ADAM12: variants seen among roughly 807,000 people sequenced by gnomAD.
ADAM12 encodes disintegrin and metalloproteinase domain-containing protein 12.
Under a neutral mutation model 106.4 loss-of-function variants are expected in ADAM12, and 70 were observed. The ratio of observed to expected loss-of-function variants is 0.66; its 90% CI spans 0.54 to 0.80. ADAM12 has a LOEUF of 0.80. Among genes scored for constraint, ADAM12 ranks in the 30% least tolerant of loss-of-function variants. ADAM12 has a pLI of 0.00. For missense variants in ADAM12, 1,010 were observed against 1,171.9 expected, an observed-to-expected ratio of 0.86 and a Z score of 2.02; for synonymous variants, 420 against 433.5, an observed-to-expected ratio of 0.97 and a Z score of 0.39.
intron 21 of ADAM12, among the ~76,000 whole-genome samples, chr10:126,028,786 C>T (rs139940661): frequency 3.6e-4 from 54 of 151,706 alleles, no homozygotes; most frequent in East Asian, 2.3e-3. Context: ...AATTGACAAA[C>T]GGGATCTAAT....
chr10:126,189,331 T>C (rs894186575), intron 3 of ADAM12, among the ~76,000 whole-genome samples: 1 of 152,056 alleles, frequency 6.6e-6, no homozygotes, highest in Non-Finnish European at 1.5e-5. Flanking sequence ...GGATGAAGAA[T>C]GGGGTATACG....
intron 6 of ADAM12, among the ~76,000 whole-genome samples, chr10:126,112,864 G>A (rs1955896388): frequency 1.3e-5 from 2 of 152,066 alleles, no homozygotes; most frequent in African/African-American, 4.8e-5. Context: ...GAAACCCAGT[G>A]TCCTCCTGAA....
intron 3 of ADAM12, among the ~76,000 whole-genome samples, chr10:126,265,642 A>AAAAC (rs1170043613): frequency 6.6e-6 from 1 of 152,238 alleles, no homozygotes; most frequent in Non-Finnish European, 1.5e-5. Flanking sequence ...CAGTAAACAG[A>AAAAC]AAACACAGGG....
intron 21 of ADAM12, among the ~76,000 whole-genome samples, chr10:126,025,166 C>A (rs1186572463): frequency 6.6e-6 from 1 of 152,172 alleles, no homozygotes; most frequent in Non-Finnish European, 1.5e-5. Flanking sequence ...CAACACCTCT[C>A]CAGCAAGTGC....
intron 1 of ADAM12, among the ~76,000 whole-genome samples, chr10:126,330,970 T>A (rs534022500): frequency 6.6e-6 from 1 of 152,230 alleles, no homozygotes; most frequent in Non-Finnish European, 1.5e-5. Context: ...TCTGCACTTA[T>A]GGAGTCTAAT....
chr10:126,226,884 T>A (rs572758111), intron 3 of ADAM12, among the ~76,000 whole-genome samples: 40 of 152,298 alleles, frequency 2.6e-4, no homozygotes, highest in African/African-American at 9.1e-4. Context: ...CTGCACTAAA[T>A]TTCTGGGTGG....
chr10:126,083,563 C>A (rs1955274593), intron 11 of ADAM12, among the ~76,000 whole-genome samples: 1 of 152,210 alleles, frequency 6.6e-6, no homozygotes. Flanking sequence ...TCCAGGTGTA[C>A]CTTAGAGGAC....
chr10:126,126,450 GT>G (rs71833417), intron 5 of ADAM12, among the ~76,000 whole-genome samples: 1 of 151,778 alleles, frequency 6.6e-6, no homozygotes, highest in African/African-American at 2.4e-5. Flanking sequence ...TATTTTCGTT[GT>G]TTTTTTTAGA....
intron 3 of ADAM12, among the ~76,000 whole-genome samples, chr10:126,229,194 C>A (rs574700417): frequency 6.6e-6 from 1 of 152,084 alleles, no homozygotes; most frequent in African/African-American, 2.4e-5. Context: ...GGGAGAGGAA[C>A]CAGGAGGTGG....
At chr10:126,262,522 C>T (rs1959022139) in intron 3 of ADAM12, among the ~76,000 whole-genome samples, 1 of 152,216 alleles carries the variant, frequency 6.6e-6, no homozygotes, top group African/African-American at 2.4e-5. Context: ...GTATGATTAC[C>T]CCTTTTTGGA....
At chr10:126,024,400 T>C (rs553165858) in intron 21 of ADAM12, among the ~76,000 whole-genome samples, 1 of 152,318 alleles carries the variant, frequency 6.6e-6, no homozygotes, top group South Asian at 2.1e-4. Flanking sequence ...TTTTTACTTT[T>C]CTATATTTTA....
At chr10:126,138,761 G>A (rs1302271638) in intron 4 of ADAM12, among the ~76,000 whole-genome samples, 2 of 149,892 alleles carry the variant, frequency 1.3e-5, no homozygotes, top group African/African-American at 4.9e-5. Context: ...TTACACTTCT[G>A]GTACCATGTC....
At chr10:126,062,517 G>A (rs1590355648) in intron 14 of ADAM12, among the ~76,000 whole-genome samples, 1 of 152,158 alleles carries the variant, frequency 6.6e-6, no homozygotes, top group Non-Finnish European at 1.5e-5. Context: ...TGTGGGTCAG[G>A]TTGTCAGTCT....
chr10:126,072,152 A>C (rs749292620), intron 11 of ADAM12, among the ~76,000 whole-genome samples: 4 of 152,176 alleles, frequency 2.6e-5, no homozygotes, highest in Non-Finnish European at 5.9e-5. Context: ...GCTGGCATTC[A>C]GGTCTATAAA....
intron 3 of ADAM12, among the ~76,000 whole-genome samples, chr10:126,253,766 G>A (rs970756038): frequency 2.0e-5 from 3 of 152,290 alleles, no homozygotes; most frequent in African/African-American, 7.2e-5. Context: ...TAGGGACCAG[G>A]GCAGAGCCTG....
intron 3 of ADAM12, among the ~76,000 whole-genome samples, chr10:126,219,943 G>A (rs1205608981): frequency 6.6e-6 from 1 of 152,204 alleles, no homozygotes; most frequent in African/African-American, 2.4e-5. Flanking sequence ...ACTGGGAATT[G>A]GAAATGAGAT....
At chr10:126,358,619 C>T (rs892124717) in intron 1 of ADAM12, among the ~76,000 whole-genome samples, 1 of 152,150 alleles carries the variant, frequency 6.6e-6, no homozygotes, top group Admixed American at 6.5e-5. Context: ...TTCTATTCAA[C>T]ATAGTGTTGG....
intron 1 of ADAM12, among the ~76,000 whole-genome samples, chr10:126,368,356 G>GTTT (rs34317249): frequency 1.9e-4 from 23 of 118,408 alleles, no homozygotes; most frequent in African/African-American, 4.3e-4. Flanking sequence ...TGTGTGATTT[G>GTTT]TTTTTTTTTT....
At chr10:126,282,132 C>T (rs995474337) in intron 2 of ADAM12, among the ~76,000 whole-genome samples, 13 of 152,252 alleles carry the variant, frequency 8.5e-5, no homozygotes, top group Admixed American at 5.9e-4. Flanking sequence ...CTTCTGAGGC[C>T]GCTTTCCTTG....
Sources: allele counts gnomAD v4.1 joint callset (sites outside exome capture counted in the v4.1 genomes callset), GRCh38; gene constraint gnomAD v4.1.1; transcripts MANE v1.5; gene names NCBI Gene and HGNC (gene_info 2026-07-23, HGNC 2026-07-21).